DNAH9: variants seen among roughly 807,000 people sequenced by gnomAD.
DNAH9 encodes DNAH9 variant protein.
A neutral mutation model predicts 471.6 loss-of-function variants in DNAH9; 345 were observed. That is an observed-to-expected ratio of 0.73 (90% CI 0.67 to 0.80). The LOEUF is 0.80. DNAH9 is among the 30% of genes least tolerant of loss of function. The probability of loss-of-function intolerance (pLI) is 0.00; values close to 1 mark genes in which losing one functional copy is unlikely to be tolerated. For missense variants in DNAH9, 5,407 were observed against 5,609.2 expected (o/e 0.96, Z 1.15); for synonymous variants, 2,093 against 2,123.6 (o/e 0.99, Z 0.40).
At chr17:11,906,551 T>C (rs918734153) in intron 61 of DNAH9, among the ~76,000 whole-genome samples, 2 of 147,492 alleles carry the variant, frequency 1.4e-5, no homozygotes, top group African/African-American at 5.1e-5. Flanking sequence ...CGCTGGAACC[T>C]GGGAGGCAGA....
At chr17:11,709,672 C>T (rs962890685) in intron 26 of DNAH9, among the ~76,000 whole-genome samples, 2 of 152,180 alleles carry the variant, frequency 1.3e-5, no homozygotes, top group African/African-American at 4.8e-5. Context: ...AGGATTTCGG[C>T]ACCACACTAA....
Position 11,933,899 on chromosome 17 carries a change from G to C in DNAH9, c.12317G>C (p.Arg4106Pro), listed in dbSNP as rs200059274. The change falls in exon 65 of 69, where the codon CGC becomes CCC. Residue 4106 changes from arginine to proline, a missense_variant. By Grantham distance (103) the Arg-to-Pro change is moderately radical (BLOSUM62 -2). Transcript: ENST00000262442. The part of the protein sequence containing the change: ...ANAKVPYDDL[R>P]YLFGEIMYGG... Reference sequence around the variant, plus strand: ...ACTCAGGTCCCCTATGATGATTTGCGCTACCTGTTTGGAGAGATCATGTAT... The same window carrying C: ...ACTCAGGTCCCCTATGATGATTTGCCCTACCTGTTTGGAGAGATCATGTAT... 10 of 1,612,470 alleles carry C rather than the reference G, an allele frequency of 6.2e-6. No homozygotes were observed. The African/African-American group carries it at 1.2e-4, about 19-fold the overall frequency.
At chr17:11,907,329 G>T (rs933400781) in intron 61 of DNAH9, among the ~76,000 whole-genome samples, 1 of 152,064 alleles carries the variant, frequency 6.6e-6, no homozygotes, top group Non-Finnish European at 1.5e-5. Flanking sequence ...AATTAGCTGG[G>T]CATGGTGGTG....
intron 26 of DNAH9, among the ~76,000 whole-genome samples, chr17:11,707,959 C>CCACACACA (rs756020074): frequency 9.4e-6 from 1 of 106,570 alleles, no homozygotes; most frequent in African/African-American, 4.3e-5. Context: ...GCCTCTCCCA[C>CCACACACA]CACACACACA....
intron 26 of DNAH9, among the ~76,000 whole-genome samples, chr17:11,708,504 G>A (rs1193365779): frequency 6.6e-6 from 1 of 152,178 alleles, no homozygotes; most frequent in Non-Finnish European, 1.5e-5. Flanking sequence ...AGATGGTAAA[G>A]GAAGTAGCAA....
chr17:11,942,198 G>A (rs1974941769), intron 66 of DNAH9, 105 bp from the exon 67 acceptor site: 7 of 1,452,400 alleles, frequency 4.8e-6, no homozygotes, highest in Non-Finnish European at 6.6e-6. Flanking sequence ...TGGAGGGGCA[G>A]CAGACGATGG....
intron 64 of DNAH9, among the ~76,000 whole-genome samples, chr17:11,933,670 G>A (rs953295308): frequency 3.9e-5 from 6 of 152,172 alleles, no homozygotes; most frequent in East Asian, 1.9e-4. Context: ...GTGAGCCACC[G>A]CGCCCGGCCT....
chr17:11,897,548 C>T lies in DNAH9; in HGVS notation c.11406+3052C>T, dbSNP rs112409492. Reference sequence around the variant, plus strand: ...AATTTCTTGTAGTCTGATGCTTTTACGGAAAATAAGTTTGTTCTGTAAAGC... The same window carrying T: ...AATTTCTTGTAGTCTGATGCTTTTATGGAAAATAAGTTTGTTCTGTAAAGC... On this transcript the variant is annotated intron_variant, in intron 59 of 68. Transcript: ENST00000262442. Among the ~76,000 whole-genome samples the T allele has an allele frequency of 2.6e-4, 40 of 152,262 alleles. 1 individual carries two copies. The highest frequency in any genetic ancestry group is 7.7e-4 in the African/African-American group (32 of 41,566).
In DNAH9 at chr17:11,636,687, A is replaced by C; in HGVS notation, c.1689A>C (p.Thr563=). Residue 563 remains threonine (T), a synonymous_variant, in exon 9 of 69, where the codon ACA becomes ACC. Coordinates refer to ENST00000262442, the MANE Select transcript of DNAH9 (RefSeq NM_001372.4). ...AAAGACCGCTGGTAGCGAGGGATACATCTGATAAATACCTGGTCCTCATCC... is the reference window on the plus strand; with the variant it reads ...AAAGACCGCTGGTAGCGAGGGATACCTCTGATAAATACCTGGTCCTCATCC... The part of the protein sequence containing the change: ...LLERPLVARD[T]SDKYLVLIQM... The C allele has an allele frequency of 6.2e-7, 1 of 1,613,740 alleles. No individual in the cohort carries two copies. Among genetic ancestry groups the C allele is most frequent in the Non-Finnish European group, 8.5e-7 (1 of 1,179,628 alleles).
chr17:11,854,404 G>A lies in DNAH9; in HGVS notation c.9909G>A (p.Leu3303=). 1 of 1,613,076 alleles carries A rather than the reference G, an allele frequency of 6.2e-7. No individual in the cohort carries two copies. Among genetic ancestry groups the A allele is most frequent in the Non-Finnish European group, 8.5e-7 (1 of 1,179,334 alleles). The change falls in exon 50 of 69, where the codon CTG becomes CTA. Residue 3303 remains leucine, a synonymous_variant. Transcript: ENST00000262442. ...TADLTAAQEK[L]AAIKAKIAHL... is the part of the protein sequence containing the mutation. Reference sequence around the variant, plus strand: ...ACCTCACAGCTGCCCAGGAGAAGCTGGCTGCCATCAAAGCCAAGATCGCTG... The same window carrying A: ...ACCTCACAGCTGCCCAGGAGAAGCTAGCTGCCATCAAAGCCAAGATCGCTG...
At chr17:11,609,382 G>A (rs2072579559) in intron 2 of DNAH9, among the ~76,000 whole-genome samples, 1 of 152,040 alleles carries the variant, frequency 6.6e-6, no homozygotes, top group South Asian at 2.1e-4. Flanking sequence ...CCCTTTTCTA[G>A]TCCCTTTATA....
At chr17:11,816,014 C>T (rs1267060832) in intron 45 of DNAH9, among the ~76,000 whole-genome samples, 1 of 151,978 alleles carries the variant, frequency 6.6e-6, no homozygotes, top group African/African-American at 2.4e-5. Context: ...AACCTCATGC[C>T]CTTCTTTGTC....
At chr17:11,965,789 A>G (rs114205086) in intron 68 of DNAH9, among the ~76,000 whole-genome samples, 1,640 of 152,300 alleles carry the variant, frequency 0.011, 32 homozygotes, top group African/African-American at 0.038. Context: ...GTTTTTAAAA[A>G]AATAAAGTAG....
chr17:11,680,965 CGT>C lies in DNAH9; in HGVS notation c.3743+81_3743+82del, dbSNP rs1189058371. 1.1e-4 allele frequency: 146 copies of C among 1,334,914 alleles called. 2 individuals carry two copies. In the South Asian group the frequency reaches 1.7e-3, roughly 16 times the overall value. 82.7% of individuals were successfully genotyped at this position (1,334,914 alleles called of 1,614,324 possible). On this transcript the variant is annotated intron_variant, in intron 19 of 68. Transcript: ENST00000262442. ...AGTCATGGATAATCTTTTTGTGGGG[CGT>C]GTGTATTCTTCCAGCAGCTGCAGAC...
intron 48 of DNAH9, among the ~76,000 whole-genome samples, chr17:11,823,825 G>A (rs1323525876): frequency 6.6e-6 from 1 of 151,950 alleles, no homozygotes; most frequent in Non-Finnish European, 1.5e-5. Flanking sequence ...AGCCACTCAG[G>A]AGGCTGAGGC....
At chr17:11,636,463 C>T (rs77763560) in intron 8 of DNAH9, among the ~76,000 whole-genome samples, 171 bp from the exon 9 acceptor site, 2,802 of 152,296 alleles carry the variant, frequency 0.018, 95 homozygotes, top group South Asian at 0.12. Flanking sequence ...AAGAGAAAGA[C>T]TATGAATATC....
intron 6 of DNAH9, among the ~76,000 whole-genome samples, chr17:11,621,178 G>C (rs2072852403): frequency 6.6e-6 from 1 of 151,990 alleles, no homozygotes; most frequent in Non-Finnish European, 1.5e-5. Flanking sequence ...GGGAGGCTGA[G>C]GCAGGCGAAT....
In DNAH9 at chr17:11,942,397, T is replaced by C. The variant is rs1159992766; in HGVS notation, c.12755T>C (p.Ile4252Thr). ...MAKVEERTPY[I>T]VVAFQECGRM... is the part of the protein sequence containing the mutation. The stretch of plus-strand genomic sequence containing the variant: ...AAAGTGGAGGAGCGCACCCCTTACA[T>C]TGTAGTTGCCTTCCAGGAGTGTGGC... The change falls in exon 67 of 69, where the codon ATT (isoleucine) becomes ACT (threonine). Residue 4252 changes from isoleucine (I) to threonine (T), a missense_variant. Coordinates refer to ENST00000262442, the MANE Select transcript of DNAH9 (RefSeq NM_001372.4). 6 of 1,614,126 alleles carry C rather than the reference T, an allele frequency of 3.7e-6. No individual in the cohort carries two copies. The highest frequency in any genetic ancestry group is 1.7e-5 in the Admixed American group (1 of 60,008).
chr17:11,824,068 A>G (rs1342413724), intron 48 of DNAH9, among the ~76,000 whole-genome samples: 1 of 152,180 alleles, frequency 6.6e-6, no homozygotes, highest in East Asian at 1.9e-4. Flanking sequence ...AGTTGGGGCC[A>G]ACTCTTGCAG....
Sources: allele counts gnomAD v4.1 joint callset (sites outside exome capture counted in the v4.1 genomes callset), GRCh38; gene constraint gnomAD v4.1.1; transcripts MANE v1.5; gene names NCBI Gene and HGNC (gene_info 2026-07-23, HGNC 2026-07-21).